The following RGS3 variants were observed in gnomAD, a reference collection of about 807,000 sequenced individuals.
The protein encoded by RGS3 is regulator of G protein signaling 3, also known as regulator of G-protein signalling 3.
Under a neutral mutation model 132.6 loss-of-function variants are expected in RGS3, and 80 were observed. The observed-to-expected ratio is 0.60, with a 90% CI of 0.50 to 0.73. The LOEUF (loss-of-function observed/expected upper bound fraction) is 0.73, where lower values mean the gene tolerates loss of function less well. Ranked by LOEUF, RGS3 falls within the 30% of genes least tolerant of loss-of-function variation. The probability of loss-of-function intolerance (pLI) is 0.00; values close to 1 mark genes in which losing one functional copy is unlikely to be tolerated. For synonymous variants in RGS3, 598 were observed against 620.6 expected (o/e 0.96, Z 0.54); for missense variants, 1,382 against 1,530.8 (o/e 0.90, Z 1.62).
intron 7 of RGS3, among the ~76,000 whole-genome samples, chr9:113,486,240 T>C (rs1262898956): frequency 2.6e-5 from 4 of 152,116 alleles, no homozygotes; most frequent in Non-Finnish European, 5.9e-5. Context: ...GAAGGCTTCA[T>C]GGAAAAAGTG....
At chr9:113,512,091 G>A (rs929253966) in intron 14 of RGS3, among the ~76,000 whole-genome samples, 1 of 152,158 alleles carries the variant, frequency 6.6e-6, no homozygotes, top group Non-Finnish European at 1.5e-5. Flanking sequence ...GCAGCAATCA[G>A]TATTATCTCC....
At chr9:113,594,377 G>T (rs1460463295) in intron 21 of RGS3, 53 bp from the exon 20 acceptor site, 2 of 1,604,082 alleles carry the variant, frequency 1.2e-6, no homozygotes, top group African/African-American at 1.3e-5. Context: ...CTCTGGATTT[G>T]CAGGGGCGAG....
chr9:113,543,839 G>T, intron 19 of RGS3, among the ~76,000 whole-genome samples: 1 of 152,234 alleles, frequency 6.6e-6, no homozygotes, highest in East Asian at 1.9e-4. Context: ...CAGGGTCCCA[G>T]GTCCGGCTGT....
At chr9:113,533,908 C>T (rs529788663) in intron 18 of RGS3, among the ~76,000 whole-genome samples, 9 of 152,334 alleles carry the variant, frequency 5.9e-5, no homozygotes, top group Non-Finnish European at 8.8e-5. Flanking sequence ...CTCTGGGCAG[C>T]GGAGGGAAGC....
At chr9:113,575,187 G>A (rs1834457066) in intron 19 of RGS3, among the ~76,000 whole-genome samples, 1 of 152,228 alleles carries the variant, frequency 6.6e-6, no homozygotes, top group Non-Finnish European at 1.5e-5. Context: ...CAAGCGGCAT[G>A]TCCTTCTGGC....
exon 25 of RGS3, chr9:113,596,831 T>G (rs1039944204): frequency 6.2e-7 from 1 of 1,613,636 alleles, no homozygotes; most frequent in Non-Finnish European, 8.5e-7. Context: ...CACGCGGGGC[T>G]GCTTCGACCT....
chr9:113,445,194 T>C (rs988550469), intron 1 of RGS3, among the ~76,000 whole-genome samples: 3 of 152,002 alleles, frequency 2.0e-5, no homozygotes, highest in Non-Finnish European at 2.9e-5. Context: ...TTTTCTTTTT[T>C]TTTTTTGTTT....
chr9:113,450,918 G>A (rs1829226384), intron 1 of RGS3, among the ~76,000 whole-genome samples: 1 of 152,056 alleles, frequency 6.6e-6, no homozygotes, highest in Non-Finnish European at 1.5e-5. Flanking sequence ...AGTGGCTCAT[G>A]CCTGTAATCC....
At chr9:113,563,797 G>C (rs557283910) in intron 19 of RGS3, among the ~76,000 whole-genome samples, 1 of 152,320 alleles carries the variant, frequency 6.6e-6, no homozygotes, top group South Asian at 2.1e-4. Context: ...TTGTGTATGT[G>C]AGAGAGTCAG....
At chr9:113,508,098 C>G (rs1297109810) in intron 13 of RGS3, among the ~76,000 whole-genome samples, 1 of 152,198 alleles carries the variant, frequency 6.6e-6, no homozygotes, top group Non-Finnish European at 1.5e-5. Flanking sequence ...ATCCCATACC[C>G]TCTTCCTCAT....
chr9:113,581,539 A>C (rs1834806883), intron 19 of RGS3: 1 of 152,258 alleles, frequency 6.6e-6, no homozygotes, highest in Non-Finnish European at 1.5e-5. Flanking sequence ...CACTAACTCC[A>C]ACACCACCAT....
At chr9:113,515,088 C>T (rs996274176) in intron 15 of RGS3, among the ~76,000 whole-genome samples, 2 of 152,182 alleles carry the variant, frequency 1.3e-5, no homozygotes, top group Non-Finnish European at 2.9e-5. Context: ...CAAGTTTGGC[C>T]TGTATTCACT....
intron 3 of RGS3, among the ~76,000 whole-genome samples, chr9:113,465,439 C>CTGTGTGTGTGTGTGTGTGTGTG (rs3221187): frequency 1.5e-5 from 2 of 135,410 alleles, no homozygotes; most frequent in South Asian, 2.6e-4. Flanking sequence ...ACACCTATTT[C>CTGTGTGTGTGTGTGTGTGTGTG]TGTGTGTGTG....
Position 113,463,814 on chromosome 9 carries a change from C to T in RGS3, c.415+1613C>T. On this transcript the variant is annotated intron_variant, in intron 3 of 24. Coordinates refer to ENST00000350696, the Ensembl canonical transcript of RGS3. This position sits in a 1 kb window ranked among gnomAD's most constrained non-coding sequence, Gnocchi z 4.6. ...CGCAGTGGGACGCCATGGAGCGCTC[C>T]CTGCACCGCGTCTCCCTCGGGAGCC... is the stretch of plus-strand genomic sequence containing the variant. 1.9e-6 allele frequency: 3 copies of T among 1,612,438 alleles called. No individual in the cohort carries two copies. Among genetic ancestry groups the T allele is most frequent in the Non-Finnish European group, 2.5e-6 (3 of 1,179,606 alleles).
intron 18 of RGS3, among the ~76,000 whole-genome samples, chr9:113,536,323 C>G (rs1832672996): frequency 6.6e-6 from 1 of 152,204 alleles, no homozygotes; most frequent in Non-Finnish European, 1.5e-5. Context: ...GTCCAACCAC[C>G]CGTTCAGCCT....
intron 23 of RGS3, 52 bp from the exon 22 acceptor site, chr9:113,595,547 G>A (rs1835722784): frequency 6.3e-7 from 1 of 1,596,410 alleles, no homozygotes; most frequent in Admixed American, 1.7e-5. Context: ...GGCATCTTAA[G>A]GGCAGGAGAG....
At chr9:113,479,419 C>G (rs1348358777) in intron 3 of RGS3, 72 bp from the exon 2 acceptor site, 1 of 1,426,012 alleles carries the variant, frequency 7.0e-7, no homozygotes, top group African/African-American at 1.4e-5. Context: ...TTTCTGTCAC[C>G]TTTCCTCTAG....
upstream of RGS3, among the ~76,000 whole-genome samples, chr9:113,458,107 G>A (rs1229376268): frequency 6.6e-6 from 1 of 152,196 alleles, no homozygotes. Context: ...AGTAGAGACG[G>A]GGTTTCACCA....
chr9:113,484,050 C>T (rs1270350360), intron 5 of RGS3, 88 bp from the exon 4 acceptor site: 2 of 782,290 alleles, frequency 2.6e-6, no homozygotes, highest in African/African-American at 1.7e-5. Flanking sequence ...CCCTGGGAAG[C>T]CTTTAACTTG....
Sources: allele counts gnomAD v4.1 joint callset (sites outside exome capture counted in the v4.1 genomes callset), GRCh38; gene constraint gnomAD v4.1.1; non-coding constraint Gnocchi (gnomAD v3.1); transcripts MANE v1.5; gene names NCBI Gene and HGNC (gene_info 2026-07-23, HGNC 2026-07-21).